FAM178B: variants seen among roughly 807,000 people sequenced by gnomAD.
The protein encoded by FAM178B is protein FAM178B.
In FAM178B, 82 loss-of-function variants were observed where a neutral mutation model predicts 91.7. The observed-to-expected ratio is 0.89, with a 90% CI of 0.75 to 1.07. The LOEUF (loss-of-function observed/expected upper bound fraction) is 1.07, where lower values mean the gene tolerates loss of function less well. FAM178B is among the 50% of genes least tolerant of loss of function. The pLI is 0.00. For missense variants in FAM178B, 769 were observed against 846.7 expected (o/e 0.91, Z 1.14); for synonymous variants, 368 against 359.4 (o/e 1.02, Z -0.27).
chr2:96,916,034 G>A (rs747280247), intron 12 of FAM178B, among the ~76,000 whole-genome samples: 19 of 152,064 alleles, frequency 1.2e-4, no homozygotes, highest in Non-Finnish European at 1.3e-4. Context: ...TCCGTAGCAC[G>A]GGCAGAACTG....
intron 6 of FAM178B, among the ~76,000 whole-genome samples, chr2:96,959,199 G>GAAAAAAAAAAAAAAAAAAA (rs57498168): frequency 7.3e-5 from 6 of 82,122 alleles, no homozygotes; most frequent in African/African-American, 1.9e-4. Flanking sequence ...ACTCAGTTTT[G>GAAAAAAAAAAAAAAAAAAA]AAAAAAAAAA....
At chr2:96,910,797 A>ATT (rs200071141) in intron 12 of FAM178B, among the ~76,000 whole-genome samples, 17 of 136,222 alleles carry the variant, frequency 1.2e-4, no homozygotes, top group East Asian at 2.1e-4. Flanking sequence ...TCTCTTCTTA[A>ATT]TTTTTTTTTT....
intron 6 of FAM178B, among the ~76,000 whole-genome samples, chr2:96,953,231 G>C (rs995664864): frequency 3.3e-5 from 5 of 152,202 alleles, no homozygotes; most frequent in African/African-American, 4.8e-5. Context: ...CGGTCACATG[G>C]AGACTTTCAG....
intron 4 of FAM178B, among the ~76,000 whole-genome samples, chr2:96,969,647 C>G (rs1358348967): frequency 6.6e-6 from 1 of 152,230 alleles, no homozygotes; most frequent in African/African-American, 2.4e-5. Flanking sequence ...ACTAAATGTA[C>G]ATCACCATGC....
At chr2:96,946,080 A>G (rs149899536) in intron 8 of FAM178B, among the ~76,000 whole-genome samples, 1 of 152,226 alleles carries the variant, frequency 6.6e-6, no homozygotes, top group African/African-American at 2.4e-5. Context: ...CCTCATATAC[A>G]TGGAATATGA....
intron 12 of FAM178B, among the ~76,000 whole-genome samples, chr2:96,910,828 GCT>G (rs2081141749): frequency 7.4e-6 from 1 of 135,444 alleles, no homozygotes; most frequent in Non-Finnish European, 1.6e-5. Context: ...AGACAGTCTT[GCT>G]CTGTCGCCCA....
chr2:96,935,220 A>G (rs1213123851), intron 8 of FAM178B, among the ~76,000 whole-genome samples: 1 of 152,244 alleles, frequency 6.6e-6, no homozygotes, highest in African/African-American at 2.4e-5. Flanking sequence ...CGGCCTTCAA[A>G]AAGAATTTTA....
At chr2:96,910,999 C>T (rs2081144692) in intron 12 of FAM178B, among the ~76,000 whole-genome samples, 1 of 152,096 alleles carries the variant, frequency 6.6e-6, no homozygotes, top group African/African-American at 2.4e-5. Flanking sequence ...AACTCTTGAC[C>T]TCAAGTGATC....
intron 13 of FAM178B, chr2:96,895,121 C>T (rs1331183575): frequency 7.8e-7 from 1 of 1,289,376 alleles, no homozygotes; most frequent in East Asian, 5.6e-5. Flanking sequence ...CCCTGCCTTC[C>T]ACTCCCCTTC....
chr2:96,884,117 T>C (rs2080458225), intron 14 of FAM178B, among the ~76,000 whole-genome samples: 1 of 151,948 alleles, frequency 6.6e-6, no homozygotes, highest in Admixed American at 6.5e-5. Context: ...TTTAAACCTA[T>C]ATAGTACCAC....
chr2:96,942,396 A>G (rs2081747509), intron 8 of FAM178B, among the ~76,000 whole-genome samples: 1 of 152,180 alleles, frequency 6.6e-6, no homozygotes, highest in South Asian at 2.1e-4. Context: ...CCAAACAGCC[A>G]AAACAATTTT....
rs2082233684 is a variant in FAM178B at position 96,972,327 on chromosome 2, AGACAG to A, written c.143-10_143-6del. The A allele has an allele frequency of 6.8e-7, 1 of 1,468,304 alleles. No individual in the cohort carries two copies. The highest frequency in any genetic ancestry group is 9.0e-7 in the Non-Finnish European group (1 of 1,107,422). 91.0% of individuals were successfully genotyped at this position (1,468,304 alleles called of 1,614,324 possible). A position where few individuals can be genotyped will look rare whatever the true frequency, so the allele number is the denominator to read the frequency against. On this transcript the variant is annotated splice_polypyrimidine_tract_variant and splice_region_variant and intron_variant, in intron 2 of 16. Coordinates refer to ENST00000490605, the MANE Select transcript of FAM178B (RefSeq NM_001122646.3). The stretch of plus-strand genomic sequence containing the variant: ...CGGTGGCGGCAGCCTGCACCCCTGC[AGACAG>A]GACAGAATACTGTGGTCCCTCTGCC...
chr2:96,931,726 G>A (rs2081542526), intron 8 of FAM178B, among the ~76,000 whole-genome samples: 2 of 152,100 alleles, frequency 1.3e-5, no homozygotes, highest in South Asian at 2.1e-4. Flanking sequence ...CGGGCAGAGG[G>A]TCTCTGAAAC....
In FAM178B at chr2:96,910,508, C is replaced by CG. The variant is rs1481090636; in HGVS notation, c.1563-7802dup. Among the ~76,000 whole-genome samples, 6 of 152,340 alleles carry CG rather than the reference C, an allele frequency of 3.9e-5. No individual in the cohort carries two copies. The East Asian group carries it at 1.2e-3, about 29-fold the overall frequency. ...GTTGTTCCGTCTGCATCAGGGCTAA[C>CG]GTTTTACTGTCAGCCCCAAACCGCA... On this transcript the variant is annotated intron_variant, in intron 12 of 16. Coordinates refer to ENST00000490605, the MANE Select transcript of FAM178B (RefSeq NM_001122646.3).
chr2:96,971,258 CCTCT>C (rs1294969515), intron 3 of FAM178B, among the ~76,000 whole-genome samples: 12 of 146,200 alleles, frequency 8.2e-5, no homozygotes, highest in South Asian at 4.5e-4. Context: ...TCCCTCCCTC[CCTCT>C]CTCTCCTTCT....
intron 8 of FAM178B, among the ~76,000 whole-genome samples, chr2:96,945,917 A>G (rs993655001): frequency 6.6e-6 from 1 of 152,174 alleles, no homozygotes; most frequent in Non-Finnish European, 1.5e-5. Context: ...ACGCTGTAGT[A>G]CAATCACCAC....
Position 96,953,588 on chromosome 2 carries a change from G to A in FAM178B, c.888-2104C>T, listed in dbSNP as rs371702335. On this transcript the variant is annotated intron_variant, in intron 6 of 16. Transcript: ENST00000490605. ...GTTTCTGCCAGAGAAATGATTGATT[G>A]GCCTCTGAGTTCATTGCTGCTGAGA... Among the ~76,000 whole-genome samples the A allele has an allele frequency of 1.9e-4, 29 of 152,350 alleles. No individual in the cohort carries two copies. The East Asian group carries it at 3.7e-3, about 19-fold the overall frequency.
Position 96,960,302 on chromosome 2 carries a change from T to C in FAM178B, c.873A>G (p.Glu291=). The change falls in exon 6 of 17, where the codon GAA becomes GAG. Residue 291 remains glutamate, a synonymous_variant. Coordinates refer to ENST00000490605, the MANE Select transcript of FAM178B (RefSeq NM_001122646.3). ...SSLLKPRSHL[E]GLFLSSPPAQ... is the part of the protein sequence containing the mutation. Reference sequence around the variant, plus strand: ...CCCACACTTACCTGAGGAACAGCCCTTCCAGGTGGCTGCGTGGCTTCAGGA... The same window carrying C: ...CCCACACTTACCTGAGGAACAGCCCCTCCAGGTGGCTGCGTGGCTTCAGGA... 2 of 1,551,734 alleles carry C rather than the reference T, an allele frequency of 1.3e-6. No homozygotes were observed. Among genetic ancestry groups the C allele is most frequent in the South Asian group, 1.2e-5 (1 of 84,070 alleles).
chr2:96,941,689 C>T (rs542509272), intron 8 of FAM178B, among the ~76,000 whole-genome samples: 4 of 152,334 alleles, frequency 2.6e-5, no homozygotes, highest in Non-Finnish European at 1.5e-5. Context: ...TTATATCCCC[C>T]TCCTCCTACA....
Sources: gnomAD v4.1 joint callset for allele counts (sites outside exome capture counted in the v4.1 genomes callset) on GRCh38, gnomAD v4.1.1 for gene constraint, MANE v1.5 for transcripts, NCBI Gene and HGNC (gene_info 2026-07-23, HGNC 2026-07-21) for gene names.